Variants in BTD observed in about 807,000 individuals in gnomAD.
BTD encodes biotinidase.
Under a neutral mutation model 17.7 loss-of-function variants are expected in BTD, and 13 were observed. The observed-to-expected ratio is 0.74, with a 90% confidence interval of 0.48 to 1.17. The LOEUF (loss-of-function observed/expected upper bound fraction) is 1.17, where lower values mean the gene tolerates loss of function less well. Ranked by LOEUF, BTD falls within the 50% of genes most tolerant of loss-of-function variation. The probability of loss-of-function intolerance (pLI) is 0.00; values close to 1 mark genes in which losing one functional copy is unlikely to be tolerated. For missense variants in BTD, 674 were observed against 650.4 expected (o/e 1.04, Z -0.39); for synonymous variants, 240 against 245.2 (o/e 0.98, Z 0.20).
intron 3 of BTD, among the ~76,000 whole-genome samples, chr3:15,707,092 G>A (rs185164869): frequency 7.2e-5 from 11 of 152,174 alleles, no homozygotes; most frequent in African/African-American, 2.2e-4. Context: ...GTTAAAAACC[G>A]AATAAATAAT....
chr3:15,601,495 G>A (rs757902579), upstream of BTD: 32 of 1,610,674 alleles, frequency 2.0e-5, no homozygotes, highest in Non-Finnish European at 2.5e-5. Context: ...CACTCACGCA[G>A]CCGGCAAACA....
intron 1 of BTD, among the ~76,000 whole-genome samples, chr3:15,616,392 G>A (rs2064794151): frequency 6.6e-6 from 1 of 152,088 alleles, no homozygotes; most frequent in Non-Finnish European, 1.5e-5. Context: ...GAGGTGGGTG[G>A]ATCACCTGAG....
intron 3 of BTD, chr3:15,685,448 G>A: frequency 6.2e-7 from 1 of 1,613,402 alleles, no homozygotes; most frequent in East Asian, 2.2e-5. Flanking sequence ...GTAACTGCCT[G>A]AAAGAAAATA....
At chr3:15,632,435 G>A (rs2065237008) in intron 1 of BTD, among the ~76,000 whole-genome samples, 1 of 152,128 alleles carries the variant, frequency 6.6e-6, no homozygotes, top group African/African-American at 2.4e-5. Flanking sequence ...ACGAGCCAAG[G>A]CCCTCATCTC....
chr3:15,678,486 A>G, intron 3 of BTD: 1 of 708,918 alleles, frequency 1.4e-6, no homozygotes, highest in African/African-American at 1.8e-5. Flanking sequence ...CCTGTACACA[A>G]ACAAATAGGC....
rs748451922 is a variant in BTD, at chr3:15,601,834, G to C, written c.-77G>C. The C allele has an allele frequency of 5.6e-6, 9 of 1,614,204 alleles. No homozygotes were observed. The highest frequency in any genetic ancestry group is 2.2e-5 in the East Asian group (1 of 44,882). ...CGAGTCGGCCAGCTGGAGCGTTTTCGGGGCTGTAAAGGGAGAATGGCGCAT... is the reference window on the plus strand; with the variant it reads ...CGAGTCGGCCAGCTGGAGCGTTTTCCGGGCTGTAAAGGGAGAATGGCGCAT... On this transcript the variant is annotated 5_prime_UTR_variant, in exon 1 of 4. Transcript: ENST00000643237.
At chr3:15,675,914 A>T (rs2292088) in intron 3 of BTD, 4 of 1,611,332 alleles carry the variant, frequency 2.5e-6, no homozygotes, top group Non-Finnish European at 3.4e-6. Flanking sequence ...CATCTACTGC[A>T]AGCACACTTG....
At chr3:15,662,650 G>GA (rs1266388947) in intron 3 of BTD, among the ~76,000 whole-genome samples, 8 of 152,054 alleles carry the variant, frequency 5.3e-5, no homozygotes, top group African/African-American at 1.9e-4. Context: ...AAGCAGTGGT[G>GA]AAGGGGGCCA....
intron 3 of BTD, among the ~76,000 whole-genome samples, chr3:15,675,266 G>A (rs35617908): frequency 0.029 from 4,393 of 152,168 alleles, 89 homozygotes; most frequent in Middle Eastern, 0.041. Context: ...GCTAGACTCC[G>A]TCTCAAAAAC....
intron 3 of BTD, among the ~76,000 whole-genome samples, chr3:15,680,011 T>C (rs2067370929): frequency 6.6e-6 from 1 of 152,088 alleles, no homozygotes; most frequent in Non-Finnish European, 1.5e-5. Context: ...ACTATCCCAT[T>C]TTCTATAAGG....
chr3:15,631,489 T>G (rs1219115206), intron 1 of BTD: 2 of 1,534,268 alleles, frequency 1.3e-6, no homozygotes, highest in South Asian at 2.4e-5. Flanking sequence ...ATGAATCATT[T>G]AGCAAGGTGG....
In BTD at chr3:15,653,285, C is replaced by T. The variant is rs915542442; in HGVS notation, c.*7797C>T. 4.6e-5 allele frequency among the ~76,000 whole-genome samples: 7 copies of T among 152,264 alleles called. No homozygotes were observed. Among genetic ancestry groups the T allele is most frequent in the Non-Finnish European group, 8.8e-5 (6 of 68,050 alleles). On this transcript the variant is annotated 3_prime_UTR_variant, in exon 4 of 4. Transcript: ENST00000643237. Reference sequence around the variant, plus strand: ...TCAAGTGTGAGCCCACTGTCTAATGCGGTGCATACCAAAGCAGGTGCACGG... The same window carrying T: ...TCAAGTGTGAGCCCACTGTCTAATGTGGTGCATACCAAAGCAGGTGCACGG...
At chr3:15,673,256 A>G (rs1355005862) in intron 3 of BTD, among the ~76,000 whole-genome samples, 1 of 152,170 alleles carries the variant, frequency 6.6e-6, no homozygotes, top group Admixed American at 6.5e-5. Flanking sequence ...TTCCAATTAA[A>G]CTATTTTAAG....
chr3:15,686,573 C>G, intron 3 of BTD: 2 of 454,634 alleles, frequency 4.4e-6, no homozygotes, highest in South Asian at 4.5e-5. Context: ...TAAAAGAATG[C>G]TCATTTTATT....
At chr3:15,693,108 C>CCCATTAA (rs1202697072) in intron 3 of BTD, among the ~76,000 whole-genome samples, 3 of 152,038 alleles carry the variant, frequency 2.0e-5, no homozygotes, top group Non-Finnish European at 4.4e-5. Context: ...AAAGGAGAAA[C>CCCATTAA]AGGGAGATGT....
At chr3:15,700,371 G>T (rs995215025) in intron 3 of BTD, among the ~76,000 whole-genome samples, 4 of 151,940 alleles carry the variant, frequency 2.6e-5, no homozygotes, top group African/African-American at 7.2e-5. Flanking sequence ...GAGTTGATGG[G>T]TGCAGCAAAC....
At chr3:15,714,717 T>G, downstream of BTD, 1 of 1,132,928 alleles carries the variant, frequency 8.8e-7, no homozygotes. Context: ...AACCTTAGTT[T>G]TACTTTGAAT....
At chr3:15,643,562 A>G (rs1433601603) in intron 3 of BTD, among the ~76,000 whole-genome samples, 2 of 152,066 alleles carry the variant, frequency 1.3e-5, no homozygotes, top group Non-Finnish European at 2.9e-5. Flanking sequence ...GTGAGAAATG[A>G]TAGCTATTTC....
chr3:15,653,435 G>C lies in BTD; in HGVS notation c.*7947G>C, dbSNP rs57227424. On this transcript the variant is annotated 3_prime_UTR_variant, in exon 4 of 4. Transcript: ENST00000643237. ...CAGAATCCCAGCAACATAGGACGAG[G>C]CTGGAATTCCCACACCTGGACTAAT... 0.037 allele frequency among the ~76,000 whole-genome samples: 5,632 copies of C among 152,328 alleles called. 275 individuals are homozygous for C. The highest frequency in any genetic ancestry group is 0.11 in the African/African-American group (4,707 of 41,544).
Sources: gnomAD v4.1 joint callset for allele counts (sites outside exome capture counted in the v4.1 genomes callset) on GRCh38, gnomAD v4.1.1 for gene constraint, MANE v1.5 for transcripts, NCBI Gene and HGNC (gene_info 2026-07-23, HGNC 2026-07-21) for gene names.